Variants in KCNG3 observed in about 807,000 individuals in gnomAD.
The protein encoded by KCNG3 is potassium voltage-gated channel modifier subfamily G member 3, also known as voltage-gated potassium channel regulatory subunit KCNG3.
Under a neutral mutation model 29.0 loss-of-function variants are expected in KCNG3, and 15 were observed. The ratio of observed to expected loss-of-function variants is 0.52; its 90% CI spans 0.35 to 0.80. The LOEUF is 0.80. Ranked by LOEUF, KCNG3 falls within the 30% of genes least tolerant of loss-of-function variation. KCNG3 has a pLI of 0.01. For synonymous variants in KCNG3, 322 were observed against 248.9 expected (o/e 1.29, Z -2.76); for missense variants, 512 against 605.7 (o/e 0.85, Z 1.62).
rs1201228769 is a variant in KCNG3, at chr2:42,444,920, G to T, written c.666-341C>A. Among the ~76,000 whole-genome samples the T allele has an allele frequency of 6.6e-6, 1 of 151,546 alleles. No individual in the cohort carries two copies. The highest frequency in any genetic ancestry group is 2.4e-5 in the African/African-American group (1 of 41,230). ...CCACAAAAAAAAAATACAAAAATCA[G>T]CTGGGCTTGGTGACACACACCTGTA... is the stretch of plus-strand genomic sequence containing the variant. On this transcript the variant is annotated intron_variant, in intron 1 of 1. Coordinates refer to ENST00000306078, the MANE Select transcript of KCNG3 (RefSeq NM_133329.6). The surrounding 1 kb of genome is among the most constrained non-coding windows in gnomAD (Gnocchi z 5.8).
intron 1 of KCNG3, among the ~76,000 whole-genome samples, chr2:42,471,155 AGTGTGTGT>A (rs565717729): frequency 1.5e-5 from 2 of 137,666 alleles, no homozygotes; most frequent in Admixed American, 7.8e-5. Flanking sequence ...GTCTCAAAAA[AGTGTGTGT>A]GTGTGTGTGT....
At position 42,493,049 on chromosome 2, in the gene KCNG3, C is replaced by A; in HGVS notation, c.453G>T (p.Arg151Ser). The A allele has an allele frequency of 2.6e-6, 4 of 1,524,550 alleles. No individual in the cohort carries two copies. The highest frequency in any genetic ancestry group is 3.5e-6 in the Non-Finnish European group (4 of 1,140,534). The allele number at this position is 1,524,550 out of a possible 1,614,324, so 94.4% of individuals were successfully genotyped here. A position where few individuals can be genotyped will look rare whatever the true frequency, so the allele number is the denominator to read the frequency against. Residue 151 changes from arginine to serine, a missense_variant, in exon 1 of 2, where the codon AGG becomes AGT. Transcript: ENST00000306078. ...RPGGAEAAPS[R>S]RWLERMRRTF... ...TCCGCCGCATGCGCTCCAGCCAGCG[C>A]CTGGAGGGAGCCGCCTCGGCCCCGC...
chr2:42,481,863 C>A (rs1486745682), intron 1 of KCNG3, among the ~76,000 whole-genome samples: 1 of 152,228 alleles, frequency 6.6e-6, no homozygotes, highest in Non-Finnish European at 1.5e-5. Context: ...TCACAGAGGC[C>A]TGTACTAATC....
chr2:42,480,095 C>A (rs1673544683), intron 1 of KCNG3, among the ~76,000 whole-genome samples: 1 of 152,290 alleles, frequency 6.6e-6, no homozygotes, highest in South Asian at 2.1e-4. Flanking sequence ...CCCACACCAA[C>A]CATAAAAGCC....
chr2:42,457,797 C>A (rs1672916616), intron 1 of KCNG3, among the ~76,000 whole-genome samples: 1 of 151,006 alleles, frequency 6.6e-6, no homozygotes, highest in Non-Finnish European at 1.5e-5. Flanking sequence ...GCCTGGGTAA[C>A]AGAGTAAGAC....
the KCNG3 span, among the ~76,000 whole-genome samples, chr2:42,391,849 G>A: frequency 5.3e-5 from 8 of 151,762 alleles, no homozygotes; most frequent in African/African-American, 9.7e-5. Flanking sequence ...TGATCCGCCC[G>A]CCTCGGCCTC....
the KCNG3 span, among the ~76,000 whole-genome samples, chr2:42,430,643 T>A: frequency 1.3e-5 from 2 of 151,752 alleles, no homozygotes; most frequent in African/African-American, 2.4e-5. Flanking sequence ...CCCAGCTACC[T>A]GGGAAGCTGA....
At chr2:42,492,738 C>T in intron 1 of KCNG3, 99 bp downstream of exon 1, 1 of 1,184,702 alleles carries the variant, frequency 8.4e-7, no homozygotes, top group Non-Finnish European at 1.1e-6. Context: ...CCCGCTGGCT[C>T]GGTCGCCCGG....
intron 1 of KCNG3, among the ~76,000 whole-genome samples, chr2:42,475,808 T>C (rs947398523): frequency 3.9e-5 from 6 of 152,164 alleles, no homozygotes; most frequent in Admixed American, 6.5e-5. Context: ...GCTCAGCCTG[T>C]AATCCCAGCA....
At chr2:42,392,734 T>A in the KCNG3 span, among the ~76,000 whole-genome samples, 1 of 151,720 alleles carries the variant, frequency 6.6e-6, no homozygotes, top group Non-Finnish European at 1.5e-5. Context: ...GTAATCTCGA[T>A]GAATGAGGGT....
chr2:42,437,624 A>T (rs1672397143), downstream of KCNG3, among the ~76,000 whole-genome samples: 1 of 152,096 alleles, frequency 6.6e-6, no homozygotes, highest in Admixed American at 6.6e-5. Context: ...AACAGCACTG[A>T]CATAGGTATG....
intron 1 of KCNG3, among the ~76,000 whole-genome samples, chr2:42,488,277 G>A (rs1234425841): frequency 2.0e-5 from 3 of 152,152 alleles, no homozygotes; most frequent in Non-Finnish European, 4.4e-5. Flanking sequence ...TTTAGATTGT[G>A]CACTGTGCCA....
At position 42,493,915 on chromosome 2, in the gene KCNG3, C is replaced by T. The variant is rs1046123587; in HGVS notation, c.-414G>A. Reference sequence around the variant, plus strand: ...CCGCCGGGGCGGAATAGCTCCCCGTCTCCGGCGCTCCCTGCGGCCGCGAAT... The same window carrying T: ...CCGCCGGGGCGGAATAGCTCCCCGTTTCCGGCGCTCCCTGCGGCCGCGAAT... On this transcript the variant is annotated 5_prime_UTR_variant, in exon 1 of 2. Coordinates refer to ENST00000306078, the MANE Select transcript of KCNG3 (RefSeq NM_133329.6). 6.3e-6 allele frequency: 1 copy of T among 159,732 alleles called. No individual in the cohort carries two copies. The highest frequency in any genetic ancestry group is 2.4e-5 in the African/African-American group (1 of 41,752). 9.9% of individuals were successfully genotyped at this position (159,732 alleles called of 1,614,324 possible). A position where few individuals can be genotyped will look rare whatever the true frequency, so the allele number is the denominator to read the frequency against.
At chr2:42,392,229 T>C in the KCNG3 span, among the ~76,000 whole-genome samples, 1 of 152,112 alleles carries the variant, frequency 6.6e-6, no homozygotes, top group African/African-American at 2.4e-5. Flanking sequence ...AAAGGGAGTT[T>C]GTCTCCCGTC....
At chr2:42,446,663 C>T (rs1672605201) in intron 1 of KCNG3, among the ~76,000 whole-genome samples, 1 of 152,220 alleles carries the variant, frequency 6.6e-6, no homozygotes, top group South Asian at 2.1e-4. Context: ...ACTCAAAGTG[C>T]ATTCCACAGA....
Position 42,443,921 on chromosome 2 carries a change from G to C in KCNG3, c.*13C>G, listed in dbSNP as rs1045465885. ...TTTCTATGAAGTGTATGCAAGAATTGATTTGCAATGCATTAATTCAGGAAT... is the reference window on the plus strand; with the variant it reads ...TTTCTATGAAGTGTATGCAAGAATTCATTTGCAATGCATTAATTCAGGAAT... On this transcript the variant is annotated 3_prime_UTR_variant, in exon 2 of 2. Coordinates refer to ENST00000306078, the MANE Select transcript of KCNG3 (RefSeq NM_133329.6). The C allele has an allele frequency of 1.3e-6, 2 of 1,590,142 alleles. No individual in the cohort carries two copies. Among genetic ancestry groups the C allele is most frequent in the Admixed American group, 1.8e-5 (1 of 56,214 alleles).
chr2:42,401,301 T>C, the KCNG3 span, among the ~76,000 whole-genome samples: 1 of 150,202 alleles, frequency 6.7e-6, no homozygotes, highest in African/African-American at 2.4e-5. Flanking sequence ...AAGAAAACAA[T>C]ACATTTAATA....
the KCNG3 span, among the ~76,000 whole-genome samples, chr2:42,402,597 T>C: frequency 6.6e-6 from 1 of 152,242 alleles, no homozygotes; most frequent in Non-Finnish European, 1.5e-5. Context: ...GTGTATGGTA[T>C]GGGATAGAGA....
chr2:42,483,761 G>A (rs1314948410), intron 1 of KCNG3, among the ~76,000 whole-genome samples: 2 of 152,138 alleles, frequency 1.3e-5, no homozygotes, highest in Non-Finnish European at 2.9e-5. Context: ...GAATGGGGGA[G>A]ATTTATAAGA....
Sources: gnomAD v4.1 joint callset for allele counts (sites outside exome capture counted in the v4.1 genomes callset) on GRCh38, gnomAD v4.1.1 for gene constraint, Gnocchi (gnomAD v3.1) non-coding constraint, MANE v1.5 for transcripts, NCBI Gene and HGNC (gene_info 2026-07-23, HGNC 2026-07-21) for gene names.